Variants in SLC4A2 observed in about 807,000 individuals in gnomAD.
SLC4A2 encodes the protein solute carrier family 4 member 2.
A neutral mutation model predicts 115.0 loss-of-function variants in SLC4A2; 36 were observed. The observed-to-expected ratio is 0.31, with a 90% CI of 0.24 to 0.41. The LOEUF is 0.41. Among genes scored for constraint, SLC4A2 ranks in the 10% least tolerant of loss-of-function variants. The probability of loss-of-function intolerance (pLI) is 1.00; values close to 1 mark genes in which losing one functional copy is unlikely to be tolerated. For missense variants in SLC4A2, 1,252 were observed against 1,705.6 expected, an observed-to-expected ratio of 0.73 and a Z score of 4.68; for synonymous variants, 708 against 708.3, an observed-to-expected ratio of 1.00 and a Z score of 0.01.
Position 151,070,368 on chromosome 7 carries a change from C to T in SLC4A2, c.1449+22C>T, listed in dbSNP as rs752571810. 6.2e-6 allele frequency: 10 copies of T among 1,609,000 alleles called. No homozygotes were observed. The Admixed American group carries it at 1.7e-4, about 27-fold the overall frequency. On this transcript the variant is annotated intron_variant, in intron 10 of 22. Transcript: ENST00000413384. ...AGAGGTGAGGGGAGAACCAGCCCTG[C>T]CTGGGCTGGCGGCAGGGCTGAGGAA...
chr7:151,069,804 C>A, intron 8 of SLC4A2, 143 bp from the exon 9 acceptor site: 1 of 920,874 alleles, frequency 1.1e-6, no homozygotes, highest in Non-Finnish European at 1.7e-6. Context: ...GGAGCCAGAA[C>A]TCGAGCCCGC....
At chr7:151,075,096 A>G (rs1457869791) in intron 19 of SLC4A2, 159 bp from the exon 20 acceptor site, 1 of 1,123,990 alleles carries the variant, frequency 8.9e-7, no homozygotes, top group Admixed American at 2.0e-5. Flanking sequence ...CTGGGGGCCC[A>G]GGTTTTGCTC....
chr7:151,071,598 G>A lies in SLC4A2; in HGVS notation c.2184G>A (p.Gly728=), dbSNP rs755469611. The A allele has an allele frequency of 1.3e-4, 212 of 1,613,800 alleles. No homozygotes were observed. In the Admixed American group the frequency reaches 3.4e-3, roughly 26 times the overall value. The change falls in exon 14 of 23, where the codon GGG becomes GGA. Residue 728 remains glycine, a synonymous_variant. Transcript: ENST00000413384. The surrounding 1 kb of genome is among the most constrained non-coding windows in gnomAD (Gnocchi z 5.5). The stretch of plus-strand genomic sequence containing the variant: ...TGTCTCCTGCCATCACCTTTGGGGG[G>A]CTGCTGGGTGAGGAGAGCCTTCAGG... ...AALSPAITFG[G]LLGEKTQDLI...
chr7:151,062,902 C>T, intron 2 of SLC4A2: 3 of 1,393,198 alleles, frequency 2.2e-6, no homozygotes, highest in Non-Finnish European at 2.8e-6. Context: ...CCCTAAGACC[C>T]GCCCTTCACC....
At chr7:151,063,208 G>C in intron 2 of SLC4A2, 1 of 1,380,616 alleles carries the variant, frequency 7.2e-7, no homozygotes, top group Non-Finnish European at 9.5e-7. Context: ...TGTGGGGGTG[G>C]GGTGAGGGGT....
chr7:151,070,265 T>C lies in SLC4A2; in HGVS notation c.1368T>C (p.Gly456=). Residue 456 remains glycine, a synonymous_variant, in exon 10 of 23, where the codon GGT becomes GGC. Transcript: ENST00000413384. The part of the protein sequence containing the change: ...SLGSLLGHHH[G]QGAESDPHVT... ...GCTCCCTGCTGGGGCATCACCATGG[T>C]CAGGGGGCTGAGAGTGACCCCCACG... is the stretch of plus-strand genomic sequence containing the variant. 6.2e-7 allele frequency: 1 copy of C among 1,613,936 alleles called. No individual in the cohort carries two copies. The highest frequency in any genetic ancestry group is 2.2e-5 in the East Asian group (1 of 44,864).
intron 5 of SLC4A2, 64 bp from the exon 6 acceptor site, chr7:151,066,453 G>A (rs1279010727): frequency 1.5e-5 from 22 of 1,443,784 alleles, no homozygotes; most frequent in Non-Finnish European, 1.8e-5. Flanking sequence ...TACCGCCTGC[G>A]TGGGTGCTGG....
At position 151,072,018 on chromosome 7, in the gene SLC4A2, T is replaced by C. The variant is rs1379987924; in HGVS notation, c.2417T>C (p.Leu806Pro). The C allele has an allele frequency of 6.2e-7, 1 of 1,614,054 alleles. No individual in the cohort carries two copies. Among genetic ancestry groups the C allele is most frequent in the African/African-American group, 1.3e-5 (1 of 74,976 alleles). ...IGFWLVFLALLMVALEGSFLV... is the reference protein window; with the variant it reads ...IGFWLVFLALPMVALEGSFLV... Reference sequence around the variant, plus strand: ...TTCTGGCTGGTGTTCCTGGCCCTGCTCATGGTGGCCCTGGAGGGGAGCTTC... The same window carrying C: ...TTCTGGCTGGTGTTCCTGGCCCTGCCCATGGTGGCCCTGGAGGGGAGCTTC... The change falls in exon 16 of 23, where the codon CTC becomes CCC. Residue 806 changes from leucine to proline, a missense_variant. By Grantham distance (98) the Leu-to-Pro change is moderately conservative. Around this residue, in one of 14 missense-constraint regions of SLC4A2, gnomAD observed 118 missense variants for 203.3 expected, o/e 0.58. Coordinates refer to ENST00000413384, the MANE Select transcript of SLC4A2 (RefSeq NM_003040.4).
intron 2 of SLC4A2, chr7:151,062,609 C>T: frequency 6.6e-7 from 1 of 1,510,566 alleles, no homozygotes; most frequent in East Asian, 2.6e-5. Context: ...TGGTCCCCTC[C>T]CCCTCCTTCT....
At position 151,071,370 on chromosome 7, in the gene SLC4A2, G is replaced by A. The variant is rs761467355; in HGVS notation, c.1976-20G>A. The stretch of plus-strand genomic sequence containing the variant: ...TGGGCAAGAGGGGCTGGGGCGCCCT[G>A]ACGGAGGCCTGGGTTGCAGCGCTCC... On this transcript the variant is annotated intron_variant, in intron 13 of 22. Coordinates refer to ENST00000413384, the MANE Select transcript of SLC4A2 (RefSeq NM_003040.4). This position sits in a 1 kb window ranked among gnomAD's most constrained non-coding sequence, Gnocchi z 5.5. 4 of 1,571,394 alleles carry A rather than the reference G, an allele frequency of 2.5e-6. No individual in the cohort carries two copies. The highest frequency in any genetic ancestry group is 3.4e-6 in the Non-Finnish European group (4 of 1,163,336).
At chr7:151,065,891 G>T (rs527991157) in intron 5 of SLC4A2, among the ~76,000 whole-genome samples, 29 of 152,230 alleles carry the variant, frequency 1.9e-4, no homozygotes, top group Non-Finnish European at 3.2e-4. Context: ...TGAGAGAGAG[G>T]GGTAGGACCA....
Position 151,076,471 on chromosome 7 carries a change from T to C in SLC4A2, c.*104T>C. The C allele has an allele frequency of 1.0e-6, 1 of 980,210 alleles. No homozygotes were observed. The highest frequency in any genetic ancestry group is 1.4e-6 in the Non-Finnish European group (1 of 691,160). 60.7% of individuals were successfully genotyped at this position (980,210 alleles called of 1,614,324 possible). ...CCCTCCTTTTTATTTAAGTGAATAATTTAAAGTCTTCTCCTCCCCCACTGC... is the reference window on the plus strand; with the variant it reads ...CCCTCCTTTTTATTTAAGTGAATAACTTAAAGTCTTCTCCTCCCCCACTGC... On this transcript the variant is annotated 3_prime_UTR_variant, in exon 23 of 23. Transcript: ENST00000413384.
In SLC4A2 at chr7:151,075,357, C is replaced by T; in HGVS notation, c.3150C>T (p.Gly1050=). ...VAMGGICALF[G]LPWLAAATVR... ...TGGGCGGCATCTGTGCCCTCTTTGG[C>T]CTGCCCTGGTTGGCTGCTGCCACTG... Residue 1050 remains glycine, a synonymous_variant, in exon 20 of 23, where the codon GGC becomes GGT. Transcript: ENST00000413384. 2 of 1,612,744 alleles carry T rather than the reference C, an allele frequency of 1.2e-6. No homozygotes were observed. Among genetic ancestry groups the T allele is most frequent in the East Asian group, 2.2e-5 (1 of 44,882 alleles).
Position 151,071,280 on chromosome 7 carries a change from A to C in SLC4A2, c.1958A>C (p.Lys653Thr). 1 of 1,557,022 alleles carries C rather than the reference A, an allele frequency of 6.4e-7. No homozygotes were observed. The highest frequency in any genetic ancestry group is 1.2e-5 in the South Asian group (1 of 85,144). ...CCTACAGGGGCTGGGCTGGAGCCCA[A>C]ATCTGCCCAAGATAAGGGTACGGCC... ...LLPTGAGLEP[K>T]SAQDKALLQM... The change falls in exon 13 of 23, where the codon AAA (lysine) becomes ACA (threonine). Residue 653 changes from lysine (K) to threonine (T), a missense_variant. Lys to Thr is a moderately conservative substitution (Grantham distance 78). Coordinates refer to ENST00000413384, the MANE Select transcript of SLC4A2 (RefSeq NM_003040.4). This position sits in a 1 kb window ranked among gnomAD's most constrained non-coding sequence, Gnocchi z 5.5.
chr7:151,062,910 ACCCCAGC>A, intron 2 of SLC4A2: 1 of 1,384,458 alleles, frequency 7.2e-7, no homozygotes, highest in Admixed American at 3.3e-5. Context: ...CCCGCCCTTC[ACCCCAGC>A]CCTCCCCGCG....
intron 5 of SLC4A2, among the ~76,000 whole-genome samples, chr7:151,065,240 AAC>A (rs1291277163): frequency 6.6e-6 from 1 of 152,194 alleles, no homozygotes; most frequent in Admixed American, 6.5e-5. Flanking sequence ...CCTGGCAAAG[AAC>A]ACGCGCTGCC....
rs1018154956 is a variant in SLC4A2 at position 151,061,759 on chromosome 7, C to G, written c.-63-166C>G. 2.4e-5 allele frequency: 13 copies of G among 551,502 alleles called. No homozygotes were observed. In the East Asian group the frequency reaches 3.4e-4, roughly 14 times the overall value. The allele number at this position is 551,502 out of a possible 1,614,324, so 34.2% of individuals were successfully genotyped here. The stretch of plus-strand genomic sequence containing the variant: ...CTCAGTCCTCTCCTGTCTCCTTGTT[C>G]TTCTCTTTTCTTCCTATAAATAACT... On this transcript the variant is annotated intron_variant, in intron 1 of 22. Coordinates refer to ENST00000413384, the MANE Select transcript of SLC4A2 (RefSeq NM_003040.4).
At chr7:151,068,175 C>T (rs192964634) in intron 8 of SLC4A2, 121 bp downstream of exon 8, 1 of 677,044 alleles carries the variant, frequency 1.5e-6, no homozygotes, top group Non-Finnish European at 2.2e-6. Flanking sequence ...GAAGCATGGT[C>T]CACACCCAGC....
chr7:151,070,508 AAGCACG>A lies in SLC4A2; in HGVS notation c.1505_1510del (p.His502_Glu503del), dbSNP rs1479985792. On this transcript the variant is annotated inframe_deletion, in exon 11 of 23. Transcript: ENST00000413384. ...AGCTGGCATCACCCGCTCCAAGTCC[AAGCACG>A]AGCTGAAACTGCTGGAGAAGATTCC... The A allele has an allele frequency of 1.2e-6, 2 of 1,613,810 alleles. No homozygotes were observed. The highest frequency in any genetic ancestry group is 3.3e-5 in the Admixed American group (2 of 60,002).
Sources: gnomAD v4.1 joint callset for allele counts (sites outside exome capture counted in the v4.1 genomes callset) on GRCh38, gnomAD v4.1.1 for gene constraint, gnomAD v4.1.1 regional missense constraint, Gnocchi (gnomAD v3.1) non-coding constraint, MANE v1.5 for transcripts, NCBI Gene and HGNC (gene_info 2026-07-23, HGNC 2026-07-21) for gene names.